Variants in TOP2B observed in about 807,000 individuals in gnomAD.
The protein encoded by TOP2B is DNA topoisomerase II beta.
TOP2B carries 51 observed loss-of-function variants against 193.5 expected under a neutral mutation model. That is an observed-to-expected ratio of 0.26 (90% CI 0.21 to 0.33). The LOEUF is 0.33. Among genes scored for constraint, TOP2B ranks in the 10% least tolerant of loss-of-function variants. The pLI is 1.00. For missense variants in TOP2B, 1,378 were observed against 1,909.3 expected (o/e 0.72, Z 5.19); for synonymous variants, 634 against 635.7 (o/e 1.00, Z 0.04).
At chr3:25,598,896 C>A (rs1179078787) in intron 35 of TOP2B, among the ~76,000 whole-genome samples, 1 of 152,120 alleles carries the variant, frequency 6.6e-6, no homozygotes, top group Non-Finnish European at 1.5e-5. Flanking sequence ...AAATGCAAAG[C>A]ATCACCGAGG....
At position 25,664,276 on chromosome 3, in the gene TOP2B, C is replaced by T. The variant is rs759290825; in HGVS notation, c.22G>A (p.Gly8Ser). The part of the protein sequence containing the change: MAKSGGC[G>S]AGAGVGGGNG... ...CCGCCGCCCACGCCGGCTCCCGCGC[C>T]GCAGCCACCCGACTTGGCCATGGCG... Residue 8 changes from glycine to serine, a missense_variant, in exon 1 of 36, where the codon GGC becomes AGC. Coordinates refer to ENST00000264331, the MANE Select transcript of TOP2B (RefSeq NM_001330700.2). The T allele has an allele frequency of 1.3e-6, 2 of 1,535,288 alleles. No homozygotes were observed. The highest frequency in any genetic ancestry group is 8.7e-7 in the Non-Finnish European group (1 of 1,145,440).
intron 1 of TOP2B, among the ~76,000 whole-genome samples, chr3:25,660,596 C>T (rs911073372): frequency 2.0e-5 from 3 of 152,090 alleles, no homozygotes; most frequent in Non-Finnish European, 4.4e-5. Flanking sequence ...CAAAAACAAG[C>T]CTAACTTGTG....
chr3:25,618,199 C>A (rs190769883), intron 25 of TOP2B: 21 of 489,064 alleles, frequency 4.3e-5, no homozygotes, highest in Non-Finnish European at 6.5e-5. Flanking sequence ...TTTCTCCAGG[C>A]TCTGGTTGAG....
At chr3:25,605,129 A>T (rs1465956476) in intron 32 of TOP2B, among the ~76,000 whole-genome samples, 1 of 152,156 alleles carries the variant, frequency 6.6e-6, no homozygotes, top group Non-Finnish European at 1.5e-5. Flanking sequence ...TAAATATTTA[A>T]AACATAACTG....
rs1419097094 is a variant in TOP2B at position 25,609,696 on chromosome 3, G to A, written c.3803C>T (p.Ala1268Val). The A allele has an allele frequency of 6.7e-7, 1 of 1,502,672 alleles. No individual in the cohort carries two copies. Among genetic ancestry groups the A allele is most frequent in the Non-Finnish European group, 8.8e-7 (1 of 1,131,900 alleles). The allele number at this position is 1,502,672 out of a possible 1,614,324, so 93.1% of individuals were successfully genotyped here. A position where few individuals can be genotyped will look rare whatever the true frequency, so the allele number is the denominator to read the frequency against. ...LKKKKGDLDT[A>V]AVKVEFDEEF... ...TTCATCAAATTCCACTTTTACTGCT[G>A]CAGTATCAAGATCACCCTACATAAT... is the stretch of plus-strand genomic sequence containing the variant. Residue 1268 changes from alanine to valine, a missense_variant, in exon 29 of 36, where the codon GCA becomes GTA. Coordinates refer to ENST00000264331, the MANE Select transcript of TOP2B (RefSeq NM_001330700.2).
At chr3:25,628,306 T>C (rs567801026) in intron 15 of TOP2B, among the ~76,000 whole-genome samples, 1 of 151,360 alleles carries the variant, frequency 6.6e-6, no homozygotes, top group African/African-American at 2.4e-5. Flanking sequence ...CAAAACCCCA[T>C]CTCTACAAAA....
chr3:25,632,711 T>C lies in TOP2B; in HGVS notation c.1110A>G (p.Val370=). The C allele has an allele frequency of 1.9e-6, 3 of 1,613,114 alleles. No homozygotes were observed. The highest frequency in any genetic ancestry group is 2.2e-5 in the East Asian group (1 of 44,826). ...EVVKKKNKAG[V]SVKPFQVKNH... is the part of the protein sequence containing the mutation. ...CCCTTACTTGAAATGGTTTCACTGATACACCAGCTTTGTTCTTTTTCTTAA... is the reference window on the plus strand; with the variant it reads ...CCCTTACTTGAAATGGTTTCACTGACACACCAGCTTTGTTCTTTTTCTTAA... The change falls in exon 9 of 36, where the codon GTA becomes GTG. Residue 370 remains valine (V), a synonymous_variant. Transcript: ENST00000264331.
At chr3:25,625,423 G>C (rs995790278) in intron 18 of TOP2B, among the ~76,000 whole-genome samples, 1 of 152,136 alleles carries the variant, frequency 6.6e-6, no homozygotes, top group African/African-American at 2.4e-5. Context: ...AAATCACTCT[G>C]CTCCCTTACC....
rs576414976 is a variant in TOP2B at position 25,659,974 on chromosome 3, C to T, written c.69+4255G>A. On this transcript the variant is annotated intron_variant, in intron 1 of 35. Transcript: ENST00000264331. The stretch of plus-strand genomic sequence containing the variant: ...AATAACTATAGCTACTTCAACTTTT[C>T]GTTAAAATGGGGTTCTATACGTGTT... Among the ~76,000 whole-genome samples, 8 of 152,258 alleles carry T rather than the reference C, an allele frequency of 5.3e-5. No homozygotes were observed. The East Asian group carries it at 1.3e-3, about 26-fold the overall frequency.
At chr3:25,623,191 T>G (rs554203165) in intron 21 of TOP2B, among the ~76,000 whole-genome samples, 2 of 152,340 alleles carry the variant, frequency 1.3e-5, no homozygotes, top group South Asian at 4.1e-4. Context: ...AAGCGGTAGT[T>G]TGAGAACAGA....
At position 25,618,846 on chromosome 3, in the gene TOP2B, G is replaced by C. The variant is rs1192643104; in HGVS notation, c.3067C>G (p.Leu1023Val). The stretch of plus-strand genomic sequence containing the variant: ...TTCAGACATCCCATATGATCAAAAA[G>C]TACCTAAGCAAAACACATATACTTT... Reference protein sequence around the residue: ...QTTLTCNSMVLFDHMGCLKKY... With the variant: ...QTTLTCNSMVVFDHMGCLKKY... Residue 1023 changes from leucine (L) to valine (V), a missense_variant, in exon 24 of 36, where the codon CTT (leucine) becomes GTT (valine). Physicochemically the swap from Leu to Val is conservative, Grantham distance 32 (BLOSUM62 1). Coordinates refer to ENST00000264331, the MANE Select transcript of TOP2B (RefSeq NM_001330700.2). 3 of 1,597,546 alleles carry C rather than the reference G, an allele frequency of 1.9e-6. No homozygotes were observed. In the African/African-American group the frequency reaches 4.0e-5, roughly 21 times the overall value.
chr3:25,600,797 T>C (rs1259674626), intron 34 of TOP2B, among the ~76,000 whole-genome samples: 1 of 152,216 alleles, frequency 6.6e-6, no homozygotes, highest in Non-Finnish European at 1.5e-5. Flanking sequence ...AGTACTGATC[T>C]GACTTTTTAA....
At chr3:25,635,604 A>C (rs1002617030) in intron 7 of TOP2B, among the ~76,000 whole-genome samples, 6 of 151,560 alleles carry the variant, frequency 4.0e-5, no homozygotes, top group Admixed American at 3.3e-4. Flanking sequence ...AACTTGATGC[A>C]GAGACTGCAA....
intron 33 of TOP2B, among the ~76,000 whole-genome samples, chr3:25,603,424 G>A (rs1462105208): frequency 1.3e-5 from 2 of 152,106 alleles, no homozygotes; most frequent in Non-Finnish European, 2.9e-5. Flanking sequence ...TGTATTTTTA[G>A]TAGAGATGGG....
Position 25,624,774 on chromosome 3 carries a change from A to G in TOP2B, c.2254T>C (p.Phe752Leu). The change falls in exon 19 of 36, where the codon TTT becomes CTT. Residue 752 changes from phenylalanine (F) to leucine (L), a missense_variant. By Grantham distance (22) the Phe-to-Leu change is conservative. This residue lies in a region of TOP2B where 379 missense variants were observed against 615.1 expected (regional missense o/e 0.62). Transcript: ENST00000264331. ...GFKPGQRKVL[F>L]TCFKRNDKRE... ...TTATCATTCCTCTTGAAACAGGTAA[A>G]TAAAACTTTCCGCTGGCCAGGTTTA... is the stretch of plus-strand genomic sequence containing the variant. The G allele has an allele frequency of 6.2e-7, 1 of 1,613,558 alleles. No homozygotes were observed. The highest frequency in any genetic ancestry group is 1.1e-5 in the South Asian group (1 of 91,034).
rs776765119 is a variant in TOP2B, at chr3:25,619,824, C to T, written c.3063+38G>A. On this transcript the variant is annotated intron_variant, in intron 23 of 35. Coordinates refer to ENST00000264331, the MANE Select transcript of TOP2B (RefSeq NM_001330700.2). Reference sequence around the variant, plus strand: ...TTATAATAATCCGACTTATACCATGCAAGAAAGATTAAATTAACAGTAAAT... The same window carrying T: ...TTATAATAATCCGACTTATACCATGTAAGAAAGATTAAATTAACAGTAAAT... 1.2e-5 allele frequency: 17 copies of T among 1,459,294 alleles called. No homozygotes were observed. In the South Asian group the frequency reaches 1.8e-4, roughly 16 times the overall value. 90.4% of individuals were successfully genotyped at this position (1,459,294 alleles called of 1,614,324 possible).
chr3:25,609,414 G>A (rs1005780328), intron 29 of TOP2B, 70 bp from the exon 30 acceptor site: 1 of 1,464,860 alleles, frequency 6.8e-7, no homozygotes, highest in Non-Finnish European at 9.1e-7. Context: ...AAATAAAATT[G>A]TTATAATGAA....
chr3:25,607,521 G>T, intron 30 of TOP2B, 146 bp from the exon 31 acceptor site: 1 of 1,159,854 alleles, frequency 8.6e-7, no homozygotes, highest in Non-Finnish European at 1.2e-6. Context: ...CAGAATAAAA[G>T]CCAACAACTT....
At chr3:25,623,411 A>G (rs1370794822) in intron 21 of TOP2B, 104 bp downstream of exon 21, 23 of 1,059,600 alleles carry the variant, frequency 2.2e-5, no homozygotes, top group African/African-American at 3.2e-5. Flanking sequence ...ACGGTCTACA[A>G]TATGTTCTAA....
Sources: allele counts gnomAD v4.1 joint callset (sites outside exome capture counted in the v4.1 genomes callset), GRCh38; gene constraint gnomAD v4.1.1; regional missense constraint gnomAD v4.1.1; transcripts MANE v1.5; gene names NCBI Gene and HGNC (gene_info 2026-07-23, HGNC 2026-07-21).